Variants in SULT1E1 observed in about 807,000 individuals in gnomAD.
SULT1E1 encodes the protein sulfotransferase 1E1.
Under a neutral mutation model 33.6 loss-of-function variants are expected in SULT1E1, and 36 were observed. The ratio of observed to expected loss-of-function variants is 1.07; its 90% CI spans 0.82 to 1.41. The LOEUF is 1.41. Ranked by LOEUF, SULT1E1 falls within the 40% of genes most tolerant of loss-of-function variation. The probability of loss-of-function intolerance (pLI) is 0.00; values close to 1 mark genes in which losing one functional copy is unlikely to be tolerated. For missense variants in SULT1E1, 371 were observed against 345.7 expected, an observed-to-expected ratio of 1.07 and a Z score of -0.58; for synonymous variants, 121 against 111.7, an observed-to-expected ratio of 1.08 and a Z score of -0.53.
chr4:69,855,450 G>T, intron 2 of SULT1E1, 24 bp from the exon 3 acceptor site: 1 of 1,598,764 alleles, frequency 6.3e-7, no homozygotes, highest in African/African-American at 1.3e-5. Flanking sequence ...ATAAACCTGA[G>T]TCTCCTGCTG....
Position 69,860,089 on chromosome 4 carries a change from A to C in SULT1E1, c.-50T>G, listed in dbSNP as rs1011218373. ...TGTGAAAGAAATTGATCTAGTTTAT[A>C]TCTCTTCAAATACCAAGGCAGATCT... On this transcript the variant is annotated 5_prime_UTR_variant, in exon 1 of 8. Coordinates refer to ENST00000226444, the MANE Select transcript of SULT1E1 (RefSeq NM_005420.3). The C allele has an allele frequency of 6.6e-6, 1 of 152,118 alleles. No homozygotes were observed. Among genetic ancestry groups the C allele is most frequent in the Non-Finnish European group, 1.5e-5 (1 of 67,976 alleles). 9.4% of individuals were successfully genotyped at this position (152,118 alleles called of 1,614,324 possible).
chr4:69,838,210 C>T (rs1015490765), downstream of SULT1E1, among the ~76,000 whole-genome samples: 1 of 151,880 alleles, frequency 6.6e-6, no homozygotes, highest in African/African-American at 2.4e-5. Context: ...TGTTATTAAT[C>T]TTTTTTTGAG....
chr4:69,844,680 G>A (rs1027381367), intron 6 of SULT1E1, among the ~76,000 whole-genome samples: 2 of 152,050 alleles, frequency 1.3e-5, no homozygotes, highest in African/African-American at 4.8e-5. Context: ...GAAAAATCAA[G>A]TTTGGGGGAT....
chr4:69,822,099 A>G, the SULT1E1 span, among the ~76,000 whole-genome samples: 31 of 152,318 alleles, frequency 2.0e-4, no homozygotes, highest in Admixed American at 1.7e-3. Flanking sequence ...ACATTTATAC[A>G]TTACTTTTTA....
the SULT1E1 span, among the ~76,000 whole-genome samples, chr4:69,835,614 T>C: frequency 6.6e-6 from 1 of 152,170 alleles, no homozygotes; most frequent in Non-Finnish European, 1.5e-5. Context: ...AAAATAAATG[T>C]AGAAGATAAA....
At chr4:69,838,949 T>A (rs1253261040), downstream of SULT1E1, among the ~76,000 whole-genome samples, 2 of 152,238 alleles carry the variant, frequency 1.3e-5, no homozygotes, top group African/African-American at 4.8e-5. Flanking sequence ...TATATTTATT[T>A]ACCACATTTA....
At chr4:69,857,447 T>C in intron 2 of SULT1E1, 53 bp downstream of exon 2, 3 of 1,556,660 alleles carry the variant, frequency 1.9e-6, no homozygotes, top group East Asian at 2.2e-5. Flanking sequence ...ATATTTACCA[T>C]TTACAGTGTG....
chr4:69,834,218 G>A, the SULT1E1 span, among the ~76,000 whole-genome samples: 1 of 152,274 alleles, frequency 6.6e-6, no homozygotes, highest in South Asian at 2.1e-4. Flanking sequence ...CTCCAGGTTT[G>A]TATAGTAAGC....
chr4:69,834,271 A>T, the SULT1E1 span, among the ~76,000 whole-genome samples: 2,564 of 152,320 alleles, frequency 0.017, 77 homozygotes, highest in African/African-American at 0.058. Flanking sequence ...AACATTTCAA[A>T]TTTGACACAT....
the SULT1E1 span, among the ~76,000 whole-genome samples, chr4:69,832,745 T>A: frequency 6.6e-6 from 1 of 152,124 alleles, no homozygotes; most frequent in African/African-American, 2.4e-5. Context: ...GTGACCTTTG[T>A]TACACTGCTT....
intron 2 of SULT1E1, among the ~76,000 whole-genome samples, chr4:69,855,779 G>C (rs1721220979): frequency 6.6e-6 from 1 of 152,124 alleles, no homozygotes; most frequent in Admixed American, 6.6e-5. Context: ...AAATTTTACT[G>C]ATGGTATATT....
At chr4:69,849,273 A>G (rs1474481979) in intron 5 of SULT1E1, 164 bp downstream of exon 5, 2 of 631,820 alleles carry the variant, frequency 3.2e-6, no homozygotes, top group African/African-American at 1.9e-5. Context: ...CTACATCTGG[A>G]CACAGTATGC....
intron 1 of SULT1E1, 77 bp from the exon 2 acceptor site, chr4:69,857,730 A>G: frequency 7.5e-7 from 1 of 1,338,144 alleles, no homozygotes; most frequent in Non-Finnish European, 1.0e-6. Flanking sequence ...ATATAACGGG[A>G]CCCTCCTACA....
At position 69,849,528 on chromosome 4, in the gene SULT1E1, A is replaced by G. The variant is rs745993937; in HGVS notation, c.405T>C (p.Ala135=). ...TTAGAAAGAAATAATAAAAGGAAACAGCCACATCCTTTGCATTCCGGCAAA... is the reference window on the plus strand; with the variant it reads ...TTAGAAAGAAATAATAAAAGGAAACGGCCACATCCTTTGCATTCCGGCAAA... ...IYLCRNAKDV[A]VSFYYFFLMV... The change falls in exon 5 of 8, where the codon GCT becomes GCC. Residue 135 remains alanine, a synonymous_variant. Coordinates refer to ENST00000226444, the MANE Select transcript of SULT1E1 (RefSeq NM_005420.3). The G allele has an allele frequency of 1.1e-5, 17 of 1,610,148 alleles. No homozygotes were observed. Among genetic ancestry groups the G allele is most frequent in the Non-Finnish European group, 1.4e-5 (17 of 1,177,746 alleles).
At chr4:69,856,290 T>A (rs2110073935) in intron 2 of SULT1E1, among the ~76,000 whole-genome samples, 1 of 152,068 alleles carries the variant, frequency 6.6e-6, no homozygotes, top group South Asian at 2.1e-4. Flanking sequence ...CACTAAAGAG[T>A]CCAAGTTATT....
At chr4:69,856,468 A>T (rs1053223963) in intron 2 of SULT1E1, among the ~76,000 whole-genome samples, 2 of 152,194 alleles carry the variant, frequency 1.3e-5, no homozygotes, top group African/African-American at 4.8e-5. Flanking sequence ...TGACTGTGAG[A>T]CCTATCTACC....
chr4:69,832,897 TAGG>T, the SULT1E1 span, among the ~76,000 whole-genome samples: 1 of 152,148 alleles, frequency 6.6e-6, no homozygotes, highest in Non-Finnish European at 1.5e-5. Context: ...AAAGGAGAGA[TAGG>T]AGAACTTATC....
chr4:69,857,780 A>G (rs141430126), intron 1 of SULT1E1, 127 bp from the exon 2 acceptor site: 57 of 755,328 alleles, frequency 7.5e-5, no homozygotes, highest in Middle Eastern at 4.2e-4. Context: ...TGGGGCAAAA[A>G]CATAGTAAAG....
chr4:69,857,362 T>A, intron 2 of SULT1E1, 138 bp downstream of exon 2: 1 of 1,088,970 alleles, frequency 9.2e-7, no homozygotes, highest in Non-Finnish European at 1.3e-6. Flanking sequence ...TAGAGCTACC[T>A]TTTCTATGTC....
Sources: gnomAD v4.1 joint callset for allele counts (sites outside exome capture counted in the v4.1 genomes callset) on GRCh38, gnomAD v4.1.1 for gene constraint, MANE v1.5 for transcripts, NCBI Gene and HGNC (gene_info 2026-07-23, HGNC 2026-07-21) for gene names.